Variants in GMEB1 observed in about 807,000 individuals in gnomAD.
GMEB1 encodes the protein glucocorticoid modulatory element-binding protein 1.
Under a neutral mutation model 52.4 loss-of-function variants are expected in GMEB1, and 6 were observed. That is an observed-to-expected ratio of 0.11 (90% CI 0.06 to 0.23). GMEB1 has a LOEUF of 0.23. GMEB1 is among the 10% of genes least tolerant of loss of function. The probability of loss-of-function intolerance (pLI) is 1.00; values close to 1 mark genes in which losing one functional copy is unlikely to be tolerated. For missense variants in GMEB1, 486 were observed against 685.6 expected, an observed-to-expected ratio of 0.71 and a Z score of 3.25; for synonymous variants, 255 against 244.9, an observed-to-expected ratio of 1.04 and a Z score of -0.38.
At chr1:28,677,715 A>T (rs1308563698) in intron 1 of GMEB1, among the ~76,000 whole-genome samples, 1 of 152,088 alleles carries the variant, frequency 6.6e-6, no homozygotes, top group Non-Finnish European at 1.5e-5. Context: ...TTATTCTAGG[A>T]TTAGATGGTA....
intron 1 of GMEB1, among the ~76,000 whole-genome samples, chr1:28,674,066 C>T (rs780706031): frequency 6.6e-6 from 1 of 151,232 alleles, no homozygotes; most frequent in Non-Finnish European, 1.5e-5. Context: ...GACAGAATTG[C>T]TTGAACTAGG....
intron 8 of GMEB1, among the ~76,000 whole-genome samples, chr1:28,707,860 G>T (rs1262410908): frequency 6.6e-6 from 1 of 151,980 alleles, no homozygotes; most frequent in African/African-American, 2.4e-5. Flanking sequence ...TGTAGGTGAG[G>T]TTGTCCAGGT....
At position 28,716,205 on chromosome 1, in the gene GMEB1, G is replaced by A. The variant is rs1671268869; in HGVS notation, c.*1432G>A. The A allele has an allele frequency of 6.6e-6, 1 of 152,260 alleles. No homozygotes were observed. Among genetic ancestry groups the A allele is most frequent in the Non-Finnish European group, 1.5e-5 (1 of 68,074 alleles). 9.4% of individuals were successfully genotyped at this position (152,260 alleles called of 1,614,324 possible). A position where few individuals can be genotyped will look rare whatever the true frequency, so the allele number is the denominator to read the frequency against. On this transcript the variant is annotated 3_prime_UTR_variant, in exon 10 of 10. Transcript: ENST00000373816. ...TTTGTCAAAGCACTCACCCTCCTAA[G>A]CTAGGACCAGTCCATTCATTTGAAA...
rs1399256461 is a variant in GMEB1, at chr1:28,687,379, C to CAAAAA, written c.129-2724_129-2723insAAAAA. Among the ~76,000 whole-genome samples, 28 of 16,374 alleles carry CAAAAA rather than the reference C, an allele frequency of 1.7e-3. 4 individuals are homozygous for CAAAAA. The highest frequency in any genetic ancestry group is 2.6e-3 in the African/African-American group (16 of 6,154). The allele number at this position is 16,374 out of a possible 152,430, so 10.7% of individuals were successfully genotyped here. On this transcript the variant is annotated intron_variant, in intron 2 of 9. Transcript: ENST00000373816. ...ACACACACACACACACACACACACA[C>CAAAAA]ACACACACAAAAAAAGACAGTGGAG...
rs983192725 is a variant in GMEB1, at chr1:28,708,637, AT to A, written c.869-1876del. On this transcript the variant is annotated intron_variant, in intron 8 of 9. Transcript: ENST00000373816. ...CCACCACGCCTGGCCAATTTTTTGT[AT>A]TTTTTTGTATTTAGTAGCAACGGGG... Among the ~76,000 whole-genome samples the A allele has an allele frequency of 4.0e-5, 6 of 150,950 alleles. No homozygotes were observed. In the Admixed American group the frequency reaches 4.0e-4, roughly 10 times the overall value.
intron 7 of GMEB1, among the ~76,000 whole-genome samples, chr1:28,703,616 C>T (rs754297051): frequency 1.3e-5 from 2 of 151,860 alleles, no homozygotes; most frequent in Non-Finnish European, 2.9e-5. Context: ...GCTGATATCA[C>T]GCCATTGCAC....
At position 28,700,458 on chromosome 1, in the gene GMEB1, T is replaced by G. The variant is rs1172424690; in HGVS notation, c.599-1980T>G. ...GAACTCGGGAGGTGGAGCTTGCAGT[T>G]AGCCGAGATCGCGCCACTGCATTCC... is the stretch of plus-strand genomic sequence containing the variant. On this transcript the variant is annotated intron_variant, in intron 6 of 9. Coordinates refer to ENST00000373816, the MANE Select transcript of GMEB1 (RefSeq NM_001319674.2). 1.2e-4 allele frequency among the ~76,000 whole-genome samples: 18 copies of G among 144,862 alleles called. No homozygotes were observed. In the Admixed American group the frequency reaches 1.3e-3, roughly 10 times the overall value.
chr1:28,683,675 T>C lies in GMEB1; in HGVS notation c.63T>C (p.Asn21=), dbSNP rs1397287418. 3.1e-6 allele frequency: 5 copies of C among 1,611,624 alleles called. No individual in the cohort carries two copies. Among genetic ancestry groups the C allele is most frequent in the Middle Eastern group, 1.6e-4 (1 of 6,082 alleles). The change falls in exon 2 of 10, where the codon AAT becomes AAC. Residue 21 remains asparagine (N), a synonymous_variant. Transcript: ENST00000373816. ...TGGTTGTGGTACCTACTGAAGGAAA[T>C]GAAGGGGAGAATCCTGAAGACACTA... The part of the protein sequence containing the change: ...GDVVVVPTEG[N]EGENPEDTKT...
At chr1:28,692,425 C>T (rs562286699) in intron 4 of GMEB1, among the ~76,000 whole-genome samples, 10 of 151,658 alleles carry the variant, frequency 6.6e-5, no homozygotes, top group East Asian at 3.9e-4. Context: ...CCAGCTACTC[C>T]GGAGGCTAAG....
Position 28,683,624 on chromosome 1 carries a change from A to G in GMEB1, c.12A>G (p.Ala4=). Residue 4 remains alanine, a synonymous_variant, in exon 2 of 10, where the codon GCA becomes GCG. Transcript: ENST00000373816. The part of the protein sequence containing the change: MAN[A]EVSVPVGDVV... Reference sequence around the variant, plus strand: ...ACTTCATGTGAAAGATGGCTAATGCAGAAGTGAGTGTCCCAGTGGGGGATG... The same window carrying G: ...ACTTCATGTGAAAGATGGCTAATGCGGAAGTGAGTGTCCCAGTGGGGGATG... 6.2e-7 allele frequency: 1 copy of G among 1,606,838 alleles called. No individual in the cohort carries two copies. Among genetic ancestry groups the G allele is most frequent in the Non-Finnish European group, 8.5e-7 (1 of 1,177,330 alleles).
At position 28,690,203 on chromosome 1, in the gene GMEB1, G is replaced by GTTTTTTTTTTTT. The variant is rs878890649; in HGVS notation, c.211+27_211+38dup. 820 of 515,034 alleles carry GTTTTTTTTTTTT rather than the reference G, an allele frequency of 1.6e-3. No individual in the cohort carries two copies. The highest frequency in any genetic ancestry group is 3.3e-3 in the South Asian group (141 of 42,496). 31.9% of individuals were successfully genotyped at this position (515,034 alleles called of 1,614,324 possible). A position where few individuals can be genotyped will look rare whatever the true frequency, so the allele number is the denominator to read the frequency against. On this transcript the variant is annotated intron_variant, in intron 3 of 9. Transcript: ENST00000373816. ...AAGGGATTGGTAAGGGTTTTTTTGT[G>GTTTTTTTTTTTT]TTTTTTTTTTTTTTTTTTTTTGTCA...
intron 8 of GMEB1, among the ~76,000 whole-genome samples, chr1:28,705,095 A>C (rs1051651465): frequency 4.0e-5 from 6 of 151,346 alleles, no homozygotes; most frequent in Non-Finnish European, 5.9e-5. Context: ...AAAAAAAAAA[A>C]AAAAAAACAC....
chr1:28,708,195 C>T (rs1022840979), intron 8 of GMEB1, among the ~76,000 whole-genome samples: 14 of 150,506 alleles, frequency 9.3e-5, no homozygotes, highest in East Asian at 7.9e-4. Context: ...CACCACACCT[C>T]GCTCTATCAC....
rs372578447 is a variant in GMEB1, at chr1:28,702,847, C to G, written c.730+278C>G. ...CAGGTGGATCACAAGGTCAGGAGAT[C>G]GAGACCATCCTGGCTAACACAGTGA... On this transcript the variant is annotated intron_variant, in intron 7 of 9. Coordinates refer to ENST00000373816, the MANE Select transcript of GMEB1 (RefSeq NM_001319674.2). 5.9e-5 allele frequency among the ~76,000 whole-genome samples: 9 copies of G among 151,684 alleles called. No individual in the cohort carries two copies. The East Asian group carries it at 7.8e-4, about 13-fold the overall frequency.
chr1:28,706,077 C>T (rs914776509), intron 8 of GMEB1, among the ~76,000 whole-genome samples: 1 of 151,836 alleles, frequency 6.6e-6, no homozygotes, highest in Non-Finnish European at 1.5e-5. Flanking sequence ...TGGCATGAAC[C>T]CGGGAGGCAG....
intron 2 of GMEB1, among the ~76,000 whole-genome samples, chr1:28,687,387 C>CACACACACAAAAAAAA (rs1553136455): frequency 2.4e-5 from 1 of 41,118 alleles, no homozygotes; most frequent in African/African-American, 9.6e-5. Flanking sequence ...CACACACACA[C>CACACACACAAAAAAAA]AAAAAAAGAC....
Position 28,718,183 on chromosome 1 carries a change from C to T in GMEB1, c.*3410C>T, listed in dbSNP as rs1671320000. ...GTAGGCATTTGTCTTTCTGTTCATG[C>T]ATTGAATAAACATTTTTAAGAACCA... On this transcript the variant is annotated 3_prime_UTR_variant, in exon 10 of 10. Coordinates refer to ENST00000373816, the MANE Select transcript of GMEB1 (RefSeq NM_001319674.2). 1 of 152,186 alleles carries T rather than the reference C, an allele frequency of 6.6e-6. No individual in the cohort carries two copies. Among genetic ancestry groups the T allele is most frequent in the Non-Finnish European group, 1.5e-5 (1 of 68,046 alleles). 9.4% of individuals were successfully genotyped at this position (152,186 alleles called of 1,614,324 possible).
At chr1:28,669,073 C>G (rs979665211) in intron 1 of GMEB1, among the ~76,000 whole-genome samples, 2 of 147,394 alleles carry the variant, frequency 1.4e-5, no homozygotes, top group African/African-American at 4.9e-5. Flanking sequence ...TCCGCCCGAG[C>G]CGCCGGGCCG....
At position 28,672,177 on chromosome 1, in the gene GMEB1, CT is replaced by C. The variant is rs879756709; in HGVS notation, c.-31+3348del. ...TCAGAAAATCTCGTACTCATTTTTA[CT>C]TTTTTTTTTAACTTTTATTTTTATT... On this transcript the variant is annotated intron_variant, in intron 1 of 9. Coordinates refer to ENST00000373816, the MANE Select transcript of GMEB1 (RefSeq NM_001319674.2). Among the ~76,000 whole-genome samples, 397 of 143,074 alleles carry C rather than the reference CT, an allele frequency of 2.8e-3. 2 individuals carry two copies. Among genetic ancestry groups the C allele is most frequent in the Middle Eastern group, 0.021 (6 of 284 alleles). 93.9% of individuals were successfully genotyped at this position (143,074 alleles called of 152,430 possible). A position where few individuals can be genotyped will look rare whatever the true frequency, so the allele number is the denominator to read the frequency against.
Sources: gnomAD v4.1 joint callset for allele counts (sites outside exome capture counted in the v4.1 genomes callset) on GRCh38, gnomAD v4.1.1 for gene constraint, MANE v1.5 for transcripts, NCBI Gene and HGNC (gene_info 2026-07-23, HGNC 2026-07-21) for gene names.